EP300: variants seen among roughly 807,000 people sequenced by gnomAD.
EP300 encodes the protein histone acetyltransferase p300.
A neutral mutation model predicts 264.0 loss-of-function variants in EP300; 31 were observed. That is an observed-to-expected ratio of 0.12 (90% CI 0.09 to 0.16). The LOEUF (loss-of-function observed/expected upper bound fraction) is 0.16. Ranked by LOEUF, EP300 falls within the 10% of genes least tolerant of loss-of-function variation. EP300 has a pLI of 1.00. For synonymous variants in EP300, 1,340 were observed against 1,045.4 expected (o/e 1.28, Z -5.44); for missense variants, 2,766 against 3,052.9 (o/e 0.91, Z 2.21).
intron 1 of EP300, among the ~76,000 whole-genome samples, chr22:41,102,683 T>A (rs912075270): frequency 6.6e-6 from 1 of 152,036 alleles, no homozygotes; most frequent in Non-Finnish European, 1.5e-5. Context: ...AACAGCTGTT[T>A]TAGGGTTCCA....
intron 22 of EP300, among the ~76,000 whole-genome samples, chr22:41,165,659 G>A (rs1257323899): frequency 1.3e-5 from 2 of 152,118 alleles, no homozygotes; most frequent in East Asian, 3.9e-4. Flanking sequence ...CCGACCTCAG[G>A]TGATCCACCC....
chr22:41,142,848 T>C (rs1263568164), intron 10 of EP300, among the ~76,000 whole-genome samples: 1 of 152,036 alleles, frequency 6.6e-6, no homozygotes, highest in Non-Finnish European at 1.5e-5. Context: ...ATTGTGCCTC[T>C]GCACTCCAGC....
chr22:41,144,882 G>C (rs1354708001), intron 10 of EP300, among the ~76,000 whole-genome samples: 1 of 151,884 alleles, frequency 6.6e-6, no homozygotes, highest in African/African-American at 2.4e-5. Context: ...TAAAAAGTCT[G>C]AATTTCTGGC....
intron 6 of EP300, among the ~76,000 whole-genome samples, chr22:41,134,886 T>G (rs2058941334): frequency 6.6e-6 from 1 of 151,842 alleles, no homozygotes; most frequent in African/African-American, 2.4e-5. Context: ...TGTCTTGGAA[T>G]GAGCATTGCT....
chr22:41,157,436 T>A (rs1262150278), intron 18 of EP300, 28 bp downstream of exon 18: 1 of 1,611,430 alleles, frequency 6.2e-7, no homozygotes, highest in Non-Finnish European at 8.5e-7. Context: ...GATTTGACTT[T>A]AACTTTTCTG....
rs144626200 is a variant in EP300 at position 41,177,668 on chromosome 22, C to G, written c.5957C>G (p.Pro1986Arg). 1.2e-6 allele frequency: 2 copies of G among 1,613,932 alleles called. No homozygotes were observed. Among genetic ancestry groups the G allele is most frequent in the Middle Eastern group, 1.6e-4 (1 of 6,062 alleles). Reference sequence around the variant, plus strand: ...GGGCATTTGGAGCCAGGGATGGGACCGACAGGGATGCAGCAACAGCCACCC... The same window carrying G: ...GGGCATTTGGAGCCAGGGATGGGACGGACAGGGATGCAGCAACAGCCACCC... The part of the protein sequence containing the change: ...PSGHLEPGMG[P>R]TGMQQQPPWS... Residue 1986 changes from proline to arginine, a missense_variant, in exon 31 of 31, where the codon CCG becomes CGG. Transcript: ENST00000263253.
intron 1 of EP300, among the ~76,000 whole-genome samples, chr22:41,099,676 A>G (rs962633255): frequency 1.3e-5 from 2 of 152,074 alleles, no homozygotes; most frequent in East Asian, 1.9e-4. Flanking sequence ...CCTTCAAGCA[A>G]TTTACAGCTT....
At chr22:41,097,101 TAG>T (rs1208880736) in intron 1 of EP300, among the ~76,000 whole-genome samples, 1 of 152,254 alleles carries the variant, frequency 6.6e-6, no homozygotes, top group Non-Finnish European at 1.5e-5. Context: ...GCTCCTGATT[TAG>T]TGAGGCATTT....
intron 14 of EP300, among the ~76,000 whole-genome samples, chr22:41,150,561 G>T (rs940081228): frequency 3.3e-5 from 5 of 152,032 alleles, no homozygotes; most frequent in African/African-American, 1.2e-4. Context: ...TTTTCAAACA[G>T]TTTGAGCCAT....
At position 41,178,750 on chromosome 22, in the gene EP300, C is replaced by G; in HGVS notation, c.7039C>G (p.Pro2347Ala). The change falls in exon 31 of 31, where the codon CCA becomes GCA. Residue 2347 changes from proline (P) to alanine (A), a missense_variant. Coordinates refer to ENST00000263253, the MANE Select transcript of EP300 (RefSeq NM_001429.4). ...CCACGTTTCCCCACAGACAAGTTCCCCACATCCTGGACTGGTAGCTGCCCA... is the reference window on the plus strand; with the variant it reads ...CCACGTTTCCCCACAGACAAGTTCCGCACATCCTGGACTGGTAGCTGCCCA... ...PHHVSPQTSS[P>A]HPGLVAAQAN... The G allele has an allele frequency of 6.2e-7, 1 of 1,614,146 alleles. No individual in the cohort carries two copies. Among genetic ancestry groups the G allele is most frequent in the Non-Finnish European group, 8.5e-7 (1 of 1,180,026 alleles).
chr22:41,118,360 A>G (rs537524775), intron 2 of EP300, among the ~76,000 whole-genome samples: 6 of 152,374 alleles, frequency 3.9e-5, no homozygotes, highest in African/African-American at 1.2e-4. Flanking sequence ...TATTAACTAG[A>G]GAATGCTAAG....
chr22:41,118,554 A>G (rs758674402), intron 2 of EP300, among the ~76,000 whole-genome samples: 1 of 152,180 alleles, frequency 6.6e-6, no homozygotes, highest in Non-Finnish European at 1.5e-5. Context: ...TGAATGAGAG[A>G]TGGCTTCACT....
intron 28 of EP300, among the ~76,000 whole-genome samples, chr22:41,172,966 A>T (rs1016959810): frequency 2.2e-4 from 34 of 152,186 alleles, no homozygotes; most frequent in African/African-American, 8.0e-4. Context: ...TAGGTTATGA[A>T]TATTATAGGC....
intron 2 of EP300, among the ~76,000 whole-genome samples, chr22:41,123,465 A>T (rs1372271357): frequency 6.6e-6 from 1 of 152,226 alleles, no homozygotes. Flanking sequence ...AAGACAGGCA[A>T]ACCTGTTGTC....
At chr22:41,149,337 T>C (rs1380883438) in intron 13 of EP300, among the ~76,000 whole-genome samples, 162 bp downstream of exon 13, 3 of 152,354 alleles carry the variant, frequency 2.0e-5, no homozygotes, top group Non-Finnish European at 4.4e-5. Context: ...GAAGAGATTA[T>C]TCTGTGACAT....
intron 1 of EP300, among the ~76,000 whole-genome samples, chr22:41,108,481 T>C (rs1190254624): frequency 1.3e-5 from 2 of 152,092 alleles, no homozygotes; most frequent in Non-Finnish European, 2.9e-5. Context: ...ACTCCTGCGT[T>C]CAAGCAACCC....
intron 22 of EP300, 60 bp from the exon 23 acceptor site, chr22:41,166,535 TTTTG>T (rs2059135446): frequency 1.5e-6 from 2 of 1,341,794 alleles, no homozygotes; most frequent in South Asian, 1.2e-5. Context: ...AATTTTAACT[TTTTG>T]TTAGTATAAA....
At chr22:41,148,917 C>G in intron 12 of EP300, 121 bp from the exon 13 acceptor site, 1 of 1,347,794 alleles carries the variant, frequency 7.4e-7, no homozygotes, top group Non-Finnish European at 1.0e-6. Context: ...TTCACCTATA[C>G]TCCTGTCTTT....
At chr22:41,130,337 A>G (rs2058911254) in intron 5 of EP300, among the ~76,000 whole-genome samples, 1 of 152,024 alleles carries the variant, frequency 6.6e-6, no homozygotes, top group Admixed American at 6.6e-5. Context: ...AGGCAAGAGG[A>G]TTCCCAGGAG....
Sources: gnomAD v4.1 joint callset for allele counts (sites outside exome capture counted in the v4.1 genomes callset) on GRCh38, gnomAD v4.1.1 for gene constraint, MANE v1.5 for transcripts, NCBI Gene and HGNC (gene_info 2026-07-23, HGNC 2026-07-21) for gene names.